MRPS33: variants seen among roughly 807,000 people sequenced by gnomAD.
The protein encoded by MRPS33 is small ribosomal subunit protein mS33.
A neutral mutation model predicts 11.2 loss-of-function variants in MRPS33; 11 were observed. The observed-to-expected ratio is 0.99, with a 90% CI of 0.62 to 1.63. The LOEUF (loss-of-function observed/expected upper bound fraction) is 1.63, where lower values mean the gene tolerates loss of function less well. Ranked by LOEUF, MRPS33 falls within the 40% of genes most tolerant of loss-of-function variation. MRPS33 has a pLI of 0.00. For synonymous variants in MRPS33, 46 were observed against 44.0 expected, an observed-to-expected ratio of 1.05 and a Z score of -0.18; for missense variants, 109 against 127.8, an observed-to-expected ratio of 0.85 and a Z score of 0.71.
At chr7:141,012,367 C>A (rs1293318814) in intron 1 of MRPS33, among the ~76,000 whole-genome samples, 6 of 152,092 alleles carry the variant, frequency 3.9e-5, no homozygotes, top group Non-Finnish European at 8.8e-5. Context: ...TCTTCCTTTT[C>A]CATTCAGCAT....
Position 141,003,159 on chromosome 7 carries a change from G to C in MRPS33, c.*3271C>G, listed in dbSNP as rs1198050015. 1 of 152,190 alleles carries C rather than the reference G, an allele frequency of 6.6e-6. No individual in the cohort carries two copies. The highest frequency in any genetic ancestry group is 2.4e-5 in the African/African-American group (1 of 41,446). 9.4% of individuals were successfully genotyped at this position (152,190 alleles called of 1,614,324 possible). A position where few individuals can be genotyped will look rare whatever the true frequency, so the allele number is the denominator to read the frequency against. On this transcript the variant is annotated 3_prime_UTR_variant, in exon 3 of 3. Transcript: ENST00000324787. ...GAGGGCAAAATGGTCTATGCACACT[G>C]ATCCCCACAGGTTAGAAAGCACCAA...
Position 141,010,535 on chromosome 7 carries a change from C to G in MRPS33, c.99G>C (p.Val33=). The G allele has an allele frequency of 6.2e-7, 1 of 1,614,168 alleles. No individual in the cohort carries two copies. The highest frequency in any genetic ancestry group is 8.5e-7 in the Non-Finnish European group (1 of 1,180,028). ...AGGGCAGTTCACTAAACAGTTTCAC[C>G]ACTTTCATAGACTTGGAATTAGTAG... ...TRPTNSKSMK[V]VKLFSELPLA... is the part of the protein sequence containing the mutation. Residue 33 remains valine (V), a synonymous_variant, in exon 2 of 3, where the codon GTG becomes GTC. Coordinates refer to ENST00000324787, the MANE Select transcript of MRPS33 (RefSeq NM_053035.3).
chr7:141,014,064 C>T (rs1382052747), intron 1 of MRPS33, among the ~76,000 whole-genome samples: 1 of 152,132 alleles, frequency 6.6e-6, no homozygotes, highest in Admixed American at 6.5e-5. Flanking sequence ...TAGCAGAACG[C>T]ACCAGCTGCA....
At chr7:141,013,702 G>C (rs1820733956) in intron 1 of MRPS33, among the ~76,000 whole-genome samples, 1 of 152,144 alleles carries the variant, frequency 6.6e-6, no homozygotes. Flanking sequence ...AAAGTTAACT[G>C]GAGCTGAAAA....
chr7:141,006,686 A>G, intron 2 of MRPS33, 151 bp from the exon 3 acceptor site: 1 of 663,114 alleles, frequency 1.5e-6, no homozygotes. Context: ...AACAAAAAGT[A>G]TAGGGAGTCC....
In MRPS33 at chr7:141,005,058, A is replaced by G. The variant is rs1411906511; in HGVS notation, c.*1372T>C. On this transcript the variant is annotated 3_prime_UTR_variant, in exon 3 of 3. Transcript: ENST00000324787. Reference sequence around the variant, plus strand: ...CACTGTGCCCGGCCAAGCCTTCACAATTTCTTTGGAAACTCATTGCTGGAA... The same window carrying G: ...CACTGTGCCCGGCCAAGCCTTCACAGTTTCTTTGGAAACTCATTGCTGGAA... 1 of 152,156 alleles carries G rather than the reference A, an allele frequency of 6.6e-6. No individual in the cohort carries two copies. The highest frequency in any genetic ancestry group is 1.9e-4 in the East Asian group (1 of 5,186). The allele number at this position is 152,156 out of a possible 1,614,324, so 9.4% of individuals were successfully genotyped here. A position where few individuals can be genotyped will look rare whatever the true frequency, so the allele number is the denominator to read the frequency against.
intron 1 of MRPS33, 97 bp from the exon 2 acceptor site, chr7:141,010,757 A>G (rs1820657750): frequency 3.4e-6 from 3 of 873,810 alleles, no homozygotes; most frequent in South Asian, 3.1e-5. Flanking sequence ...CAAGCCACTC[A>G]TGGATCAGTG....
At chr7:141,011,721 T>C (rs953959056) in intron 1 of MRPS33, among the ~76,000 whole-genome samples, 6 of 151,936 alleles carry the variant, frequency 3.9e-5, no homozygotes, top group African/African-American at 1.5e-4. Context: ...GCATAAACTT[T>C]GAAAAACCAA....
At chr7:141,013,519 C>T (rs1205338263) in intron 1 of MRPS33, among the ~76,000 whole-genome samples, 1 of 152,162 alleles carries the variant, frequency 6.6e-6, no homozygotes, top group African/African-American at 2.4e-5. Flanking sequence ...TTGTTGTTTC[C>T]TTCCACAGTG....
At chr7:141,012,929 G>A (rs554069288) in intron 1 of MRPS33, among the ~76,000 whole-genome samples, 2 of 152,156 alleles carry the variant, frequency 1.3e-5, no homozygotes, top group Admixed American at 6.5e-5. Context: ...TGACTAGTGC[G>A]AAAATGAGTA....
rs1480316372 is a variant in MRPS33, at chr7:141,010,586, G to T, written c.48C>A (p.Ala16=). 2 of 1,614,094 alleles carry T rather than the reference G, an allele frequency of 1.2e-6. No homozygotes were observed. The highest frequency in any genetic ancestry group is 1.7e-6 in the Non-Finnish European group (2 of 1,180,044). The change falls in exon 2 of 3, where the codon GCC becomes GCA. Residue 16 remains alanine, a synonymous_variant. Coordinates refer to ENST00000324787, the MANE Select transcript of MRPS33 (RefSeq NM_053035.3). The stretch of plus-strand genomic sequence containing the variant: ...GCCTGGTGACTTCACCAAATAGCCG[G>T]GCACTGAGACGAGACATGCGGAAGG... ...EYAFRMSRLS[A]RLFGEVTRPT...
intron 1 of MRPS33, among the ~76,000 whole-genome samples, chr7:141,011,334 A>T (rs1410363082): frequency 4.6e-5 from 7 of 152,244 alleles, no homozygotes; most frequent in Non-Finnish European, 1.0e-4. Flanking sequence ...ATGAATTGTA[A>T]GGTTACTTGC....
Position 141,003,917 on chromosome 7 carries a change from C to T in MRPS33, c.*2513G>A, listed in dbSNP as rs754718576. 2.6e-5 allele frequency: 4 copies of T among 152,236 alleles called. No individual in the cohort carries two copies. Among genetic ancestry groups the T allele is most frequent in the Non-Finnish European group, 4.4e-5 (3 of 68,042 alleles). The allele number at this position is 152,236 out of a possible 1,614,324, so 9.4% of individuals were successfully genotyped here. On this transcript the variant is annotated 3_prime_UTR_variant, in exon 3 of 3. Coordinates refer to ENST00000324787, the MANE Select transcript of MRPS33 (RefSeq NM_053035.3). ...GCCAATACTTTGTAATACACACATG[C>T]TCATTCACACAGTCTTAGGGACTAA...
intron 1 of MRPS33, among the ~76,000 whole-genome samples, chr7:141,012,255 T>C (rs549277005): frequency 2.8e-5 from 4 of 141,298 alleles, no homozygotes; most frequent in African/African-American, 5.3e-5. Context: ...AACCAAGCAA[T>C]TTTGGGTCAA....
chr7:141,013,118 T>C (rs970127577), intron 1 of MRPS33, among the ~76,000 whole-genome samples: 2 of 151,452 alleles, frequency 1.3e-5, no homozygotes, highest in African/African-American at 4.9e-5. Flanking sequence ...GTAAAAACTT[T>C]GTGCCTCCCT....
chr7:141,006,211 C>T lies in MRPS33; in HGVS notation c.*219G>A. On this transcript the variant is annotated 3_prime_UTR_variant, in exon 3 of 3. Transcript: ENST00000324787. ...TCATTAGAGAATCAGGTAAACCTCACATTACACGGCCAAGGCCAAGATAAT... is the reference window on the plus strand; with the variant it reads ...TCATTAGAGAATCAGGTAAACCTCATATTACACGGCCAAGGCCAAGATAAT... The T allele has an allele frequency of 1.8e-6, 1 of 559,572 alleles. No homozygotes were observed. The highest frequency in any genetic ancestry group is 3.2e-6 in the Non-Finnish European group (1 of 314,856). 34.7% of individuals were successfully genotyped at this position (559,572 alleles called of 1,614,324 possible). A position where few individuals can be genotyped will look rare whatever the true frequency, so the allele number is the denominator to read the frequency against.
chr7:141,007,556 A>T (rs529127679), intron 2 of MRPS33, among the ~76,000 whole-genome samples: 3 of 152,322 alleles, frequency 2.0e-5, no homozygotes, highest in African/African-American at 7.2e-5. Flanking sequence ...CAACCAGAGC[A>T]AATGCCATTG....
At chr7:141,011,034 C>T (rs896007603) in intron 1 of MRPS33, among the ~76,000 whole-genome samples, 1 of 152,216 alleles carries the variant, frequency 6.6e-6, no homozygotes, top group African/African-American at 2.4e-5. Flanking sequence ...AAAACACCCA[C>T]CTAAGCAATC....
rs1453368793 is a variant in MRPS33 at position 141,004,974 on chromosome 7, CCT to C, written c.*1454_*1455del. 3.3e-5 allele frequency: 5 copies of C among 152,244 alleles called. No individual in the cohort carries two copies. The highest frequency in any genetic ancestry group is 4.8e-5 in the African/African-American group (2 of 41,422). 9.4% of individuals were successfully genotyped at this position (152,244 alleles called of 1,614,324 possible). Reference sequence around the variant, plus strand: ...ATGTTAGCCAGGATGGTCTCGATCCCCTGACCTCGTGATCCACCCGCCTCGAC... The same window carrying C: ...ATGTTAGCCAGGATGGTCTCGATCCCGACCTCGTGATCCACCCGCCTCGAC... On this transcript the variant is annotated 3_prime_UTR_variant, in exon 3 of 3. Transcript: ENST00000324787.
Sources: gnomAD v4.1 joint callset for allele counts (sites outside exome capture counted in the v4.1 genomes callset) on GRCh38, gnomAD v4.1.1 for gene constraint, MANE v1.5 for transcripts, NCBI Gene and HGNC (gene_info 2026-07-23, HGNC 2026-07-21) for gene names.